Variants in CARD10 observed in about 807,000 individuals in gnomAD.
The protein encoded by CARD10 is caspase recruitment domain family member 10.
Under a neutral mutation model 114.6 loss-of-function variants are expected in CARD10, and 49 were observed. That is an observed-to-expected ratio of 0.43 (90% CI 0.34 to 0.54). The LOEUF is 0.54. Among genes scored for constraint, CARD10 ranks in the 20% least tolerant of loss-of-function variants. CARD10 has a pLI of 0.03. For missense variants in CARD10, 1,206 were observed against 1,397.2 expected (o/e 0.86, Z 2.18); for synonymous variants, 602 against 593.2 (o/e 1.01, Z -0.21).
rs36080549 is a variant in CARD10 at position 37,512,465 on chromosome 22, C to CCACACACACA, written c.700-2054_700-2045dup. On this transcript the variant is annotated intron_variant, in intron 3 of 19. Coordinates refer to ENST00000251973, the MANE Select transcript of CARD10 (RefSeq NM_014550.4). ...AGAGGTTAGAATGGCAGCCCCCCCT[C>CCACACACACA]CACACACACACACACACACACACAC... 5.5e-3 allele frequency among the ~76,000 whole-genome samples: 622 copies of CCACACACACA among 113,822 alleles called. 9 individuals carry two copies. Among genetic ancestry groups the CCACACACACA allele is most frequent in the Middle Eastern group, 8.6e-3 (2 of 232 alleles). The allele number at this position is 113,822 out of a possible 152,430, so 74.7% of individuals were successfully genotyped here.
At chr22:37,495,405 G>A (rs1922960598) in intron 15 of CARD10, 112 bp downstream of exon 15, 2 of 776,812 alleles carry the variant, frequency 2.6e-6, no homozygotes, top group Non-Finnish European at 4.2e-6. Context: ...TAAATCACCA[G>A]GGAAGGAGGG....
Position 37,491,288 on chromosome 22 carries a change from G to A in CARD10, c.2970C>T (p.Pro990=), listed in dbSNP as rs780380451. Reference sequence around the variant, plus strand: ...CCTCTGCGTGTCCCCACTCATGGGCGGGCACCTGCACCCAGGAGCAGGGCA... The same window carrying A: ...CCTCTGCGTGTCCCCACTCATGGGCAGGCACCTGCACCCAGGAGCAGGGCA... The part of the protein sequence containing the change: ...WGLPCSWVQV[P]AHEWGHAEEL... Residue 990 remains proline (P), a synonymous_variant, in exon 20 of 20, where the codon CCC becomes CCT. Coordinates refer to ENST00000251973, the MANE Select transcript of CARD10 (RefSeq NM_014550.4). 48 of 1,569,224 alleles carry A rather than the reference G, an allele frequency of 3.1e-5. 1 individual carries two copies. The South Asian group carries it at 3.2e-4, about 11-fold the overall frequency.
chr22:37,502,285 C>A (rs1923241803), intron 11 of CARD10, among the ~76,000 whole-genome samples: 1 of 152,208 alleles, frequency 6.6e-6, no homozygotes, highest in Non-Finnish European at 1.5e-5. Flanking sequence ...TTACTAAGCA[C>A]CTGCTACATG....
rs370693557 is a variant in CARD10 at position 37,506,185 on chromosome 22, C to T, written c.1383+7G>A. On this transcript the variant is annotated splice_region_variant and intron_variant, in intron 7 of 19. Transcript: ENST00000251973. ...TGCCAGGACCTCCACAATCTTGACC[C>T]GCTCACCTTGAGGCAGGTGCCACCC... is the stretch of plus-strand genomic sequence containing the variant. The T allele has an allele frequency of 1.8e-4, 276 of 1,528,186 alleles. No homozygotes were observed. In the African/African-American group the frequency reaches 2.7e-3, roughly 15 times the overall value. 94.7% of individuals were successfully genotyped at this position (1,528,186 alleles called of 1,614,324 possible).
intron 10 of CARD10, 22 bp downstream of exon 10, chr22:37,503,163 C>G (rs1362120743): frequency 6.2e-7 from 1 of 1,609,996 alleles, no homozygotes; most frequent in Admixed American, 1.7e-5. Context: ...GAGCCCTCCC[C>G]ACGGAACTCA....
At chr22:37,509,230 C>A in intron 4 of CARD10, 1 of 1,232,708 alleles carries the variant, frequency 8.1e-7, no homozygotes, top group Non-Finnish European at 1.1e-6. Context: ...CATGCAGCTG[C>A]TGACCTGCCA....
intron 2 of CARD10, among the ~76,000 whole-genome samples, chr22:37,516,866 C>T (rs1923860942): frequency 1.3e-5 from 2 of 152,180 alleles, no homozygotes; most frequent in Non-Finnish European, 2.9e-5. Flanking sequence ...CAGTTATTTA[C>T]CCAAGGTTTA....
intron 9 of CARD10, among the ~76,000 whole-genome samples, chr22:37,503,623 C>T (rs930112578): frequency 1.2e-4 from 19 of 152,134 alleles, no homozygotes; most frequent in African/African-American, 3.4e-4. Context: ...GACAGATTTA[C>T]GCAGATCAAG....
chr22:37,493,003 C>T (rs562609712), intron 16 of CARD10, among the ~76,000 whole-genome samples: 2 of 152,156 alleles, frequency 1.3e-5, no homozygotes, highest in African/African-American at 2.4e-5. Flanking sequence ...ATCCCTGCCC[C>T]CTACGGGTCA....
Position 37,495,807 on chromosome 22 carries a change from G to A in CARD10, c.2256C>T (p.Pro752=). Residue 752 remains proline (P), a synonymous_variant, in exon 14 of 20, where the codon CCC becomes CCT. Transcript: ENST00000251973. The part of the protein sequence containing the change: ...RQEWFCTRVD[P]LTLRDLDRGT... ...CCCGGTCCAGGTCCCGCAGAGTGAG[G>A]GGGTCAACCCGGGTGCAGAACCATT... The A allele has an allele frequency of 1.2e-6, 2 of 1,614,052 alleles. No individual in the cohort carries two copies. Among genetic ancestry groups the A allele is most frequent in the South Asian group, 2.2e-5 (2 of 91,090 alleles).
intron 3 of CARD10, among the ~76,000 whole-genome samples, chr22:37,511,476 C>A (rs1236496438): frequency 2.6e-5 from 3 of 117,398 alleles, no homozygotes; most frequent in South Asian, 2.9e-4. Flanking sequence ...AAGGAGGAGG[C>A]GGGAGGAGGG....
At chr22:37,510,558 C>G (rs981642845) in intron 3 of CARD10, 137 bp from the exon 4 acceptor site, 1 of 690,280 alleles carries the variant, frequency 1.4e-6, no homozygotes, top group East Asian at 2.7e-5. Flanking sequence ...CCTCCCCAGG[C>G]TTGTCTATGA....
Position 37,491,339 on chromosome 22 carries a change from A to T in CARD10, c.2919T>A (p.Arg973=). The change falls in exon 20 of 20, where the codon CGT becomes CGA. Residue 973 remains arginine (R), a synonymous_variant. Transcript: ENST00000251973. ...GCCCCCAGAGCACCTGCTCTGAGCC[A>T]CGGCACTGCCGCAGCAGCTCTGAGT... ...WRDSELLRQC[R]GSEQVLWGLP... The T allele has an allele frequency of 6.5e-7, 1 of 1,547,678 alleles. No individual in the cohort carries two copies. Among genetic ancestry groups the T allele is most frequent in the East Asian group, 2.4e-5 (1 of 42,218 alleles).
In CARD10 at chr22:37,490,994, G is replaced by T; in HGVS notation, c.*165C>A. 1.6e-6 allele frequency: 1 copy of T among 614,874 alleles called. No individual in the cohort carries two copies. Among genetic ancestry groups the T allele is most frequent in the South Asian group, 2.0e-5 (1 of 49,952 alleles). The allele number at this position is 614,874 out of a possible 1,614,324, so 38.1% of individuals were successfully genotyped here. On this transcript the variant is annotated 3_prime_UTR_variant, in exon 20 of 20. Coordinates refer to ENST00000251973, the MANE Select transcript of CARD10 (RefSeq NM_014550.4). ...GCACTCTGTCCCGGGACTCCCATAG[G>T]CTCGGCAGGGCCAGAGACAGCCTTG... is the stretch of plus-strand genomic sequence containing the variant.
intron 11 of CARD10, among the ~76,000 whole-genome samples, chr22:37,502,051 C>T (rs537345028): frequency 3.9e-5 from 6 of 152,308 alleles, no homozygotes; most frequent in African/African-American, 1.2e-4. Context: ...ACAGCGGCCA[C>T]GCACCGGCCA....
In CARD10 at chr22:37,490,798, CCTG is replaced by C; in HGVS notation, c.*358_*360del. On this transcript the variant is annotated 3_prime_UTR_variant, in exon 20 of 20. Transcript: ENST00000251973. Reference sequence around the variant, plus strand: ...CTCGTGCCCAGGGCAGCGGGACAGACCTGAGCCTGCCCATGAGAACTTGAGTGT... The same window carrying C: ...CTCGTGCCCAGGGCAGCGGGACAGACAGCCTGCCCATGAGAACTTGAGTGT... 4.0e-6 allele frequency: 1 copy of C among 250,870 alleles called. No individual in the cohort carries two copies. Among genetic ancestry groups the C allele is most frequent in the South Asian group, 6.7e-5 (1 of 14,838 alleles). The allele number at this position is 250,870 out of a possible 1,614,324, so 15.5% of individuals were successfully genotyped here. A position where few individuals can be genotyped will look rare whatever the true frequency, so the allele number is the denominator to read the frequency against.
chr22:37,492,500 TG>T lies in CARD10; in HGVS notation c.2685del (p.Lys896ArgfsTer9). ...AGCCCAGGGGTGGCAGGCTGAGCCT[TG>T]GGGGCTCCAGGCGCTGAGGATGGGC... ...ELCPSSAPGA[P>X]KAQPATPGLG... On this transcript the variant is annotated frameshift_variant, in exon 18 of 20. Coordinates refer to ENST00000251973, the MANE Select transcript of CARD10 (RefSeq NM_014550.4). LOFTEE classifies it high-confidence loss of function. The surrounding 1 kb of genome is among the most constrained non-coding windows in gnomAD (Gnocchi z 5.7). The T allele has an allele frequency of 6.2e-7, 1 of 1,604,672 alleles. No individual in the cohort carries two copies. Among genetic ancestry groups the T allele is most frequent in the South Asian group, 1.1e-5 (1 of 90,168 alleles).
rs778316775 is a variant in CARD10 at position 37,492,838 on chromosome 22, A to G, written c.2477-36T>C. The G allele has an allele frequency of 4.4e-5, 71 of 1,596,534 alleles. No individual in the cohort carries two copies. The East Asian group carries it at 1.6e-3, about 35-fold the overall frequency. ...GGAGGGGCGCAAAAGAGATAAGGGC[A>G]CAGGCAGGCAGCATACCAGCTCGTC... is the stretch of plus-strand genomic sequence containing the variant. On this transcript the variant is annotated intron_variant, in intron 16 of 19. Transcript: ENST00000251973. This position sits in a 1 kb window ranked among gnomAD's most constrained non-coding sequence, Gnocchi z 5.7.
rs771790100 is a variant in CARD10 at position 37,506,291 on chromosome 22, C to T, written c.1284G>A (p.Ala428=). ...QYRKQVRGLE[A]ERDELLTTLT... ...GCGTTGTCAGCAGCTCATCCCGCTC[C>T]GCCTCCAGGCCCCGCACCTGCTTGC... Residue 428 remains alanine (A), a synonymous_variant, in exon 7 of 20, where the codon GCG becomes GCA. Coordinates refer to ENST00000251973, the MANE Select transcript of CARD10 (RefSeq NM_014550.4). 32 of 1,610,226 alleles carry T rather than the reference C, an allele frequency of 2.0e-5. No individual in the cohort carries two copies. Among genetic ancestry groups the T allele is most frequent in the Non-Finnish European group, 2.3e-5 (27 of 1,178,444 alleles).
Sources: allele counts gnomAD v4.1 joint callset (sites outside exome capture counted in the v4.1 genomes callset), GRCh38; gene constraint gnomAD v4.1.1; non-coding constraint Gnocchi (gnomAD v3.1); transcripts MANE v1.5; gene names NCBI Gene and HGNC (gene_info 2026-07-23, HGNC 2026-07-21).